ZNF438: variants seen among roughly 807,000 people sequenced by gnomAD.
The protein encoded by ZNF438 is zinc finger protein 438.
ZNF438 carries 25 observed loss-of-function variants against 38.0 expected under a neutral mutation model. The ratio of observed to expected loss-of-function variants is 0.66; its 90% CI spans 0.48 to 0.92. The LOEUF is 0.92. Ranked by LOEUF, ZNF438 falls within the 40% of genes least tolerant of loss-of-function variation. The pLI is 0.00. For missense variants in ZNF438, 1,007 were observed against 999.6 expected, an observed-to-expected ratio of 1.01 and a Z score of -0.10; for synonymous variants, 372 against 364.1, an observed-to-expected ratio of 1.02 and a Z score of -0.25.
chr10:30,937,642 A>G (rs963129482), intron 2 of ZNF438, among the ~76,000 whole-genome samples: 1 of 152,184 alleles, frequency 6.6e-6, no homozygotes, highest in African/African-American at 2.4e-5. Flanking sequence ...CAAATTAATG[A>G]GGGTGAAACT....
chr10:31,017,408 T>G lies in ZNF438; in HGVS notation c.-192+14425A>C, dbSNP rs577408179. Among the ~76,000 whole-genome samples the G allele has an allele frequency of 2.0e-5, 3 of 152,332 alleles. No homozygotes were observed. The East Asian group carries it at 5.8e-4, about 29-fold the overall frequency. Reference sequence around the variant, plus strand: ...AGCCTACTTCCTGCTGGTGCAAATTTGGGACCAAGGGTTGCTTTAGGTGTC... The same window carrying G: ...AGCCTACTTCCTGCTGGTGCAAATTGGGGACCAAGGGTTGCTTTAGGTGTC... On this transcript the variant is annotated intron_variant, in intron 1 of 5. Coordinates refer to ENST00000413025, the Ensembl canonical transcript of ZNF438.
At chr10:30,844,769 G>T in exon 6 of ZNF438, 1 of 677,012 alleles carries the variant, frequency 1.5e-6, no homozygotes, top group Non-Finnish European at 2.5e-6. Context: ...ACTGCATATA[G>T]TTAGAAAAAT....
At chr10:30,871,894 G>A (rs1211164618) in intron 4 of ZNF438, among the ~76,000 whole-genome samples, 6 of 152,126 alleles carry the variant, frequency 3.9e-5, no homozygotes, top group Admixed American at 3.3e-4. Flanking sequence ...GTGTGTCTGC[G>A]TCAAACCATT....
At chr10:30,851,510 A>G (rs1371932381) in intron 4 of ZNF438, among the ~76,000 whole-genome samples, 1 of 152,218 alleles carries the variant, frequency 6.6e-6, no homozygotes, top group Admixed American at 6.5e-5. Context: ...CCCTTTTCTG[A>G]AATTTTTGGA....
chr10:31,028,501 G>A (rs1243797789), intron 1 of ZNF438, among the ~76,000 whole-genome samples: 1 of 152,080 alleles, frequency 6.6e-6, no homozygotes, highest in African/African-American at 2.4e-5. Flanking sequence ...AAGGACTCTT[G>A]GGGAGCCTCA....
intron 1 of ZNF438, among the ~76,000 whole-genome samples, chr10:30,995,834 G>T (rs909609170): frequency 6.6e-6 from 1 of 152,234 alleles, no homozygotes; most frequent in Admixed American, 6.5e-5. Context: ...ATAAAAAATA[G>T]AGAGGTCAAT....
chr10:30,879,260 G>A (rs577121460), intron 3 of ZNF438, among the ~76,000 whole-genome samples: 1 of 152,244 alleles, frequency 6.6e-6, no homozygotes, highest in East Asian at 1.9e-4. Flanking sequence ...TACACAGAAG[G>A]GTCTTGCCTT....
At chr10:30,893,125 C>T (rs1005737583) in intron 3 of ZNF438, among the ~76,000 whole-genome samples, 1 of 152,162 alleles carries the variant, frequency 6.6e-6, no homozygotes, top group Non-Finnish European at 1.5e-5. Flanking sequence ...TATCTAACAA[C>T]GCATGAAAGT....
chr10:30,906,713 T>C (rs2134430181), intron 3 of ZNF438, among the ~76,000 whole-genome samples: 1 of 152,358 alleles, frequency 6.6e-6, no homozygotes, highest in East Asian at 1.9e-4. Flanking sequence ...TTTTTGTAGA[T>C]TCTCTTTATC....
At chr10:30,854,171 T>C (rs1035160402) in intron 4 of ZNF438, among the ~76,000 whole-genome samples, 4 of 151,868 alleles carry the variant, frequency 2.6e-5, no homozygotes, top group African/African-American at 9.7e-5. Flanking sequence ...TACAAAAAAA[T>C]TAGCTGGGCG....
intron 1 of ZNF438, among the ~76,000 whole-genome samples, chr10:30,999,036 C>T (rs1396523915): frequency 6.6e-6 from 1 of 151,966 alleles, no homozygotes; most frequent in East Asian, 1.9e-4. Flanking sequence ...AGAAAGCACA[C>T]TTTTAACAGA....
chr10:30,874,172 A>T (rs1478567964), intron 4 of ZNF438, among the ~76,000 whole-genome samples: 1 of 136,654 alleles, frequency 7.3e-6, no homozygotes, highest in Non-Finnish European at 1.5e-5. Context: ...ATTTAGAGAC[A>T]AGGTCTTGTT....
intron 2 of ZNF438, among the ~76,000 whole-genome samples, chr10:30,925,164 C>T (rs1216030761): frequency 6.6e-6 from 1 of 152,120 alleles, no homozygotes; most frequent in African/African-American, 2.4e-5. Flanking sequence ...TCCATTCCTA[C>T]ATCTTTTCTT....
intron 3 of ZNF438, among the ~76,000 whole-genome samples, chr10:30,906,480 C>T (rs552893025): frequency 9.2e-5 from 14 of 152,120 alleles, no homozygotes; most frequent in East Asian, 7.7e-4. Flanking sequence ...TTAGTGGATT[C>T]CTTAAGATTT....
At chr10:30,992,308 G>T (rs768240559) in intron 1 of ZNF438, among the ~76,000 whole-genome samples, 75 of 152,150 alleles carry the variant, frequency 4.9e-4, no homozygotes, top group Non-Finnish European at 5.9e-4. Flanking sequence ...GTAGAAGCTG[G>T]AAGACTGTGG....
chr10:30,991,901 C>T (rs907448501), intron 1 of ZNF438, among the ~76,000 whole-genome samples: 5 of 152,172 alleles, frequency 3.3e-5, no homozygotes, highest in Non-Finnish European at 5.9e-5. Context: ...TGAAGTATAA[C>T]CTCTGATCAA....
At chr10:30,953,639 T>TAA (rs745937767) in intron 1 of ZNF438, among the ~76,000 whole-genome samples, 7,993 of 118,280 alleles carry the variant, frequency 0.068, 246 homozygotes, top group Non-Finnish European at 0.084. Flanking sequence ...AATATAATAA[T>TAA]AAAAAAAAAA....
At chr10:30,862,598 C>A (rs1258570989) in intron 4 of ZNF438, among the ~76,000 whole-genome samples, 3 of 152,208 alleles carry the variant, frequency 2.0e-5, no homozygotes, top group Non-Finnish European at 4.4e-5. Context: ...AGCCATTGCA[C>A]CCGGCCTACT....
intron 1 of ZNF438, among the ~76,000 whole-genome samples, chr10:30,947,470 G>C (rs2047555284): frequency 6.6e-6 from 1 of 152,244 alleles, no homozygotes; most frequent in South Asian, 2.1e-4. Context: ...GGTTACTGCT[G>C]TCTTTTTGTT....
Sources: allele counts gnomAD v4.1 joint callset (sites outside exome capture counted in the v4.1 genomes callset), GRCh38; gene constraint gnomAD v4.1.1; transcripts MANE v1.5; gene names NCBI Gene and HGNC (gene_info 2026-07-23, HGNC 2026-07-21).